Variants in KLHDC1 observed in about 807,000 individuals in gnomAD.
The protein encoded by KLHDC1 is kelch domain containing 1.
A neutral mutation model predicts 68.3 loss-of-function variants in KLHDC1; 53 were observed. The ratio of observed to expected loss-of-function variants is 0.78; its 90% CI spans 0.62 to 0.98. The LOEUF is 0.98. Ranked by LOEUF, KLHDC1 falls within the 50% of genes least tolerant of loss-of-function variation. KLHDC1 has a pLI of 0.00. For missense variants in KLHDC1, 470 were observed against 492.3 expected, an observed-to-expected ratio of 0.95 and a Z score of 0.43; for synonymous variants, 148 against 159.0, an observed-to-expected ratio of 0.93 and a Z score of 0.52.
At chr14:49,721,897 A>G (rs1888534864) in intron 4 of KLHDC1, among the ~76,000 whole-genome samples, 2 of 152,094 alleles carry the variant, frequency 1.3e-5, no homozygotes. Context: ...TGGCCTTTGG[A>G]GGGCAGGTAC....
At chr14:49,703,743 A>G (rs1887970362) in intron 1 of KLHDC1, among the ~76,000 whole-genome samples, 1 of 152,150 alleles carries the variant, frequency 6.6e-6, no homozygotes, top group South Asian at 2.1e-4. Flanking sequence ...TGATTGGTCA[A>G]TGCCTGTGCT....
At chr14:49,733,995 G>C (rs1888875973) in intron 9 of KLHDC1, among the ~76,000 whole-genome samples, 2 of 152,060 alleles carry the variant, frequency 1.3e-5, no homozygotes, top group Non-Finnish European at 2.9e-5. Context: ...AAAGAGATTT[G>C]GAATCTAACC....
intron 1 of KLHDC1, among the ~76,000 whole-genome samples, chr14:49,703,269 A>G (rs778478608): frequency 5.2e-4 from 79 of 151,796 alleles, no homozygotes; most frequent in Non-Finnish European, 9.6e-4. Flanking sequence ...TCTTTTCTCT[A>G]TAATTTTACT....
At chr14:49,741,586 CA>C (rs1275611301) in intron 11 of KLHDC1, among the ~76,000 whole-genome samples, 1 of 152,144 alleles carries the variant, frequency 6.6e-6, no homozygotes, top group African/African-American at 2.4e-5. Context: ...GGATTACAGG[CA>C]TCAGCACCGT....
intron 1 of KLHDC1, among the ~76,000 whole-genome samples, chr14:49,706,091 A>C (rs1454269971): frequency 6.6e-6 from 1 of 151,980 alleles, no homozygotes; most frequent in Non-Finnish European, 1.5e-5. Flanking sequence ...CTTTCTAACT[A>C]TTTTTTGGTA....
chr14:49,711,987 G>A (rs1171169431), intron 4 of KLHDC1, among the ~76,000 whole-genome samples: 3 of 133,126 alleles, frequency 2.3e-5, no homozygotes, highest in Admixed American at 9.1e-5. Context: ...GTGCCATCTC[G>A]GCTCACTGTA....
chr14:49,723,952 G>A lies in KLHDC1; in HGVS notation c.483G>A (p.Trp161Ter). 1 of 1,574,468 alleles carries A rather than the reference G, an allele frequency of 6.4e-7. No individual in the cohort carries two copies. Among genetic ancestry groups the A allele is most frequent in the South Asian group, 1.1e-5 (1 of 88,634 alleles). The change falls in exon 5 of 13, where the codon TGG becomes TGA. Residue 161 changes from tryptophan to a stop codon, truncating the protein, a stop_gained and splice_region_variant. Transcript: ENST00000359332. LOFTEE classifies it high-confidence loss of function. ...QDCFDVHDAS[W>*]EEQIFWGWHN... ...GTTTTGATGTTCATGATGCATCTTG[G>A]GTAAGATAGTAATCACTGTTTACAT...
intron 8 of KLHDC1, 73 bp from the exon 9 acceptor site, chr14:49,732,631 A>T (rs1395237943): frequency 4.5e-6 from 3 of 661,740 alleles, no homozygotes; most frequent in African/African-American, 1.9e-5. Context: ...TTTTTTTTTA[A>T]GATCTAAGAT....
At chr14:49,711,911 T>A (rs1479368410) in intron 4 of KLHDC1, among the ~76,000 whole-genome samples, 1 of 103,222 alleles carries the variant, frequency 9.7e-6, no homozygotes, top group Non-Finnish European at 1.9e-5. Flanking sequence ...TTTCTTTTTC[T>A]TTTTTTTTTT....
In KLHDC1 at chr14:49,738,342, G is replaced by GTTT. The variant is rs750397018; in HGVS notation, c.897-1744_897-1742dup. Among the ~76,000 whole-genome samples the GTTT allele has an allele frequency of 4.6e-3, 562 of 123,010 alleles. 6 individuals carry two copies. Among genetic ancestry groups the GTTT allele is most frequent in the African/African-American group, 0.016 (533 of 33,514 alleles). 80.7% of individuals were successfully genotyped at this position (123,010 alleles called of 152,430 possible). The stretch of plus-strand genomic sequence containing the variant: ...TCTCTTTTGTTTGGTTGGTTTTTTT[G>GTTT]TTTTTTTTTTTTTTGAGTCAGAGTG... On this transcript the variant is annotated intron_variant, in intron 10 of 12. Transcript: ENST00000359332.
chr14:49,721,814 C>A (rs1888532100), intron 4 of KLHDC1, among the ~76,000 whole-genome samples: 1 of 152,274 alleles, frequency 6.6e-6, no homozygotes, highest in African/African-American at 2.4e-5. Flanking sequence ...CGAGGGAGTT[C>A]TCTTTGCTCT....
Position 49,693,193 on chromosome 14 carries a change from G to A in KLHDC1, c.-2G>A. 6.3e-7 allele frequency: 1 copy of A among 1,582,342 alleles called. No homozygotes were observed. The highest frequency in any genetic ancestry group is 2.5e-5 in the East Asian group (1 of 39,984). On this transcript the variant is annotated 5_prime_UTR_variant, in exon 1 of 13. Transcript: ENST00000359332. ...GCAAGCGGCGGGCCAGCGACGGCGC[G>A]AATGGCGGACTCTCAGCTGTTCTGT...
intron 1 of KLHDC1, chr14:49,708,891 C>T: frequency 4.8e-6 from 1 of 206,514 alleles, no homozygotes; most frequent in Non-Finnish European, 9.5e-6. Context: ...TACATAAAGC[C>T]CCTTTTAAAG....
chr14:49,736,890 G>A (rs1205133285), intron 10 of KLHDC1, among the ~76,000 whole-genome samples: 2 of 152,190 alleles, frequency 1.3e-5, no homozygotes, highest in Admixed American at 6.5e-5. Flanking sequence ...GGTTGAGAAC[G>A]ACTGTTCTAC....
chr14:49,735,459 C>T (rs1380015187), intron 10 of KLHDC1, among the ~76,000 whole-genome samples: 6 of 151,770 alleles, frequency 4.0e-5, no homozygotes, highest in Admixed American at 2.0e-4. Context: ...GAGAAAAAGG[C>T]CTGAAAATAT....
intron 10 of KLHDC1, among the ~76,000 whole-genome samples, chr14:49,738,233 C>T (rs1379963467): frequency 2.0e-5 from 3 of 151,882 alleles, no homozygotes; most frequent in African/African-American, 7.2e-5. Context: ...CAGACCACTT[C>T]CAAAAGAATA....
At chr14:49,713,265 A>G (rs927449944) in intron 4 of KLHDC1, among the ~76,000 whole-genome samples, 1 of 152,008 alleles carries the variant, frequency 6.6e-6, no homozygotes, top group African/African-American at 2.4e-5. Context: ...ATAGCTAACT[A>G]TTTTTAGACA....
chr14:49,711,672 C>T (rs1487884358), intron 4 of KLHDC1, among the ~76,000 whole-genome samples: 1 of 151,824 alleles, frequency 6.6e-6, no homozygotes, highest in African/African-American at 2.4e-5. Flanking sequence ...TGTTTCAGCT[C>T]CTCATATTTT....
At chr14:49,721,547 A>G (rs1888525537) in intron 4 of KLHDC1, among the ~76,000 whole-genome samples, 1 of 152,072 alleles carries the variant, frequency 6.6e-6, no homozygotes, top group South Asian at 2.1e-4. Context: ...CTTCTTTTTT[A>G]GGTTGCTAGA....
Sources: gnomAD v4.1 joint callset for allele counts (sites outside exome capture counted in the v4.1 genomes callset) on GRCh38, gnomAD v4.1.1 for gene constraint, MANE v1.5 for transcripts, NCBI Gene and HGNC (gene_info 2026-07-23, HGNC 2026-07-21) for gene names.